Variants in EHBP1 observed in about 807,000 individuals in gnomAD.
EHBP1 encodes EH domain-binding protein 1.
In EHBP1, 55 loss-of-function variants were observed where a neutral mutation model predicts 144.0. That is an observed-to-expected ratio of 0.38 (90% CI 0.31 to 0.48). The LOEUF (loss-of-function observed/expected upper bound fraction) is 0.48, where lower values mean the gene tolerates loss of function less well. EHBP1 is among the 20% of genes least tolerant of loss of function. The probability of loss-of-function intolerance (pLI) is 0.98; values close to 1 mark genes in which losing one functional copy is unlikely to be tolerated. For missense variants in EHBP1, 1,200 were observed against 1,364.2 expected (o/e 0.88, Z 1.90); for synonymous variants, 469 against 472.7 (o/e 0.99, Z 0.10).
In EHBP1 at chr2:62,879,017, C is replaced by CAA. The variant is rs796990216; in HGVS notation, c.1185+4498_1185+4499dup. Among the ~76,000 whole-genome samples the CAA allele has an allele frequency of 3.5e-4, 25 of 72,294 alleles. 1 individual carries two copies. The highest frequency in any genetic ancestry group is 1.1e-3 in the African/African-American group (20 of 18,772). 47.4% of individuals were successfully genotyped at this position (72,294 alleles called of 152,430 possible). A position where few individuals can be genotyped will look rare whatever the true frequency, so the allele number is the denominator to read the frequency against. ...TGGGTGACAGTGTGAGACGCTGTCT[C>CAA]AAAAAAAAAAAAAACAAAAAACTAC... On this transcript the variant is annotated intron_variant, in intron 10 of 22. Transcript: ENST00000431489.
At chr2:62,857,423 G>A (rs1168180659) in intron 7 of EHBP1, among the ~76,000 whole-genome samples, 1 of 152,126 alleles carries the variant, frequency 6.6e-6, no homozygotes, top group East Asian at 1.9e-4. Context: ...GTTGCAGGCA[G>A]CCATATTATA....
chr2:62,783,129 T>A (rs771462275), intron 5 of EHBP1, among the ~76,000 whole-genome samples: 2 of 152,116 alleles, frequency 1.3e-5, no homozygotes, highest in Non-Finnish European at 2.9e-5. Context: ...TCCAAAATGA[T>A]CTCCTTTGAT....
intron 10 of EHBP1, among the ~76,000 whole-genome samples, chr2:62,917,518 G>A (rs753734357): frequency 3.3e-5 from 5 of 152,176 alleles, no homozygotes; most frequent in Middle Eastern, 3.4e-3. Context: ...AACAGAGTTA[G>A]GATTCAAACC....
chr2:62,988,123 T>C, intron 15 of EHBP1: 8 of 780,684 alleles, frequency 1.0e-5, no homozygotes, highest in South Asian at 3.4e-5. Flanking sequence ...ATAATAATAA[T>C]AATTTTGTAG....
At chr2:62,826,301 A>C in intron 6 of EHBP1, 33 bp downstream of exon 6, 1 of 1,551,310 alleles carries the variant, frequency 6.4e-7, no homozygotes, top group Non-Finnish European at 8.7e-7. Context: ...GCTTCCTTAC[A>C]TTGTGTTTCA....
At chr2:62,739,097 A>G (rs1405598946) in intron 2 of EHBP1, among the ~76,000 whole-genome samples, 1 of 152,260 alleles carries the variant, frequency 6.6e-6, no homozygotes, top group African/African-American at 2.4e-5. Context: ...ACTATTCGTT[A>G]CATTGGTCCT....
chr2:63,038,573 A>T (rs2061536683), intron 20 of EHBP1, among the ~76,000 whole-genome samples, 170 bp from the exon 21 acceptor site: 1 of 152,176 alleles, frequency 6.6e-6, no homozygotes, highest in Non-Finnish European at 1.5e-5. Context: ...TAGCACTAGT[A>T]AATATTCGAC....
intron 9 of EHBP1, among the ~76,000 whole-genome samples, chr2:62,873,968 C>T (rs980106996): frequency 2.6e-5 from 4 of 152,056 alleles, no homozygotes; most frequent in Non-Finnish European, 4.4e-5. Context: ...TACAAGAAAA[C>T]GTAACAGAGC....
intron 5 of EHBP1, among the ~76,000 whole-genome samples, chr2:62,780,225 GCTT>G (rs1238110365): frequency 6.6e-6 from 1 of 152,100 alleles, no homozygotes; most frequent in Non-Finnish European, 1.5e-5. Context: ...AAGCAACAAA[GCTT>G]CTCTTATAAC....
chr2:62,782,336 CAAT>C (rs1348891173), intron 5 of EHBP1, among the ~76,000 whole-genome samples: 2 of 152,136 alleles, frequency 1.3e-5, no homozygotes, highest in African/African-American at 2.4e-5. Context: ...AAATTATCAA[CAAT>C]GTTTTAAGTG....
intron 1 of EHBP1, among the ~76,000 whole-genome samples, chr2:62,687,745 A>G (rs2033766535): frequency 6.6e-6 from 1 of 152,172 alleles, no homozygotes; most frequent in African/African-American, 2.4e-5. Context: ...TATTCCTTTA[A>G]AGATACTGCT....
chr2:62,841,155 C>T (rs565618652), intron 7 of EHBP1, among the ~76,000 whole-genome samples: 3 of 152,182 alleles, frequency 2.0e-5, no homozygotes. Flanking sequence ...GAATATTATG[C>T]AGCCATAAAA....
intron 19 of EHBP1, among the ~76,000 whole-genome samples, chr2:63,012,757 T>A (rs1367979061): frequency 6.6e-6 from 1 of 152,192 alleles, no homozygotes; most frequent in Non-Finnish European, 1.5e-5. Context: ...GATTATGGCT[T>A]GCATAGGGAC....
At chr2:62,777,355 G>T (rs1447851788) in intron 5 of EHBP1, among the ~76,000 whole-genome samples, 7 of 151,894 alleles carry the variant, frequency 4.6e-5, no homozygotes, top group Non-Finnish European at 8.8e-5. Flanking sequence ...TTGATGAAAG[G>T]CACCAATCAG....
chr2:62,792,683 T>G (rs2043240788), intron 5 of EHBP1, among the ~76,000 whole-genome samples: 1 of 152,078 alleles, frequency 6.6e-6, no homozygotes, highest in African/African-American at 2.4e-5. Flanking sequence ...AGGGTGTGTC[T>G]TTTTGTACAC....
At position 62,948,620 on chromosome 2, in the gene EHBP1, G is replaced by A; in HGVS notation, c.1774G>A (p.Glu592Lys). 1 of 1,613,916 alleles carries A rather than the reference G, an allele frequency of 6.2e-7. No homozygotes were observed. Among genetic ancestry groups the A allele is most frequent in the Non-Finnish European group, 8.5e-7 (1 of 1,179,984 alleles). Residue 592 changes from glutamate (E) to lysine (K), a missense_variant, in exon 13 of 23, where the codon GAG (glutamate) becomes AAG (lysine). Glu to Lys is a moderately conservative substitution (Grantham distance 56, BLOSUM62 1). This residue lies in a region of EHBP1 where 543 missense variants were observed against 513.1 expected (regional missense o/e 1.06). Coordinates refer to ENST00000431489, the MANE Select transcript of EHBP1 (RefSeq NM_001142616.3). Reference sequence around the variant, plus strand: ...TAGCGGGGTTGGAGAGTCAGAAAGTGAGCATCAAACTCCTGATGATCACCT... The same window carrying A: ...TAGCGGGGTTGGAGAGTCAGAAAGTAAGCATCAAACTCCTGATGATCACCT... Reference protein sequence around the residue: ...NDSGVGESESEHQTPDDHLSP... With the variant: ...NDSGVGESESKHQTPDDHLSP...
At chr2:62,676,822 G>A (rs947690146) in intron 1 of EHBP1, among the ~76,000 whole-genome samples, 1 of 152,166 alleles carries the variant, frequency 6.6e-6, no homozygotes, top group African/African-American at 2.4e-5. Context: ...TACAGCAATC[G>A]TTGTTTTTCT....
At chr2:62,922,578 G>A (rs1226093863) in intron 10 of EHBP1, among the ~76,000 whole-genome samples, 2 of 152,182 alleles carry the variant, frequency 1.3e-5, no homozygotes, top group African/African-American at 4.8e-5. Flanking sequence ...AAAGGTTATA[G>A]GGAAGATGCA....
At chr2:62,840,859 T>C (rs2047776972) in intron 7 of EHBP1, among the ~76,000 whole-genome samples, 1 of 151,954 alleles carries the variant, frequency 6.6e-6, no homozygotes, top group African/African-American at 2.4e-5. Flanking sequence ...GGAGAGGATG[T>C]GGAGAAATAG....
Sources: gnomAD v4.1 joint callset for allele counts (sites outside exome capture counted in the v4.1 genomes callset) on GRCh38, gnomAD v4.1.1 for gene constraint, gnomAD v4.1.1 regional missense constraint, MANE v1.5 for transcripts, NCBI Gene and HGNC (gene_info 2026-07-23, HGNC 2026-07-21) for gene names.